The following PRKCE variants were observed in gnomAD, a reference collection of about 807,000 sequenced individuals.
The protein encoded by PRKCE is protein kinase C epsilon.
PRKCE carries 16 observed loss-of-function variants against 85.4 expected under a neutral mutation model. That is an observed-to-expected ratio of 0.19 (90% confidence interval 0.13 to 0.28). PRKCE has a LOEUF of 0.28. PRKCE is among the 10% of genes least tolerant of loss of function. The pLI, the probability that PRKCE is intolerant of heterozygous loss-of-function variation, is 1.00. For missense variants in PRKCE, 573 were observed against 975.2 expected, an observed-to-expected ratio of 0.59 and a Z score of 5.49; for synonymous variants, 388 against 371.5, an observed-to-expected ratio of 1.04 and a Z score of -0.51.
intron 2 of PRKCE, among the ~76,000 whole-genome samples, chr2:45,891,717 G>A (rs1047356635): frequency 3.9e-5 from 6 of 152,162 alleles, no homozygotes; most frequent in Non-Finnish European, 8.8e-5. Context: ...CCAAATGTCC[G>A]CTAGGCATAT....
intron 10 of PRKCE, among the ~76,000 whole-genome samples, chr2:46,054,233 A>G (rs1214426975): frequency 6.6e-6 from 1 of 152,208 alleles, no homozygotes; most frequent in Non-Finnish European, 1.5e-5. Context: ...ATGGAGGCAA[A>G]AAGTTATTTT....
chr2:45,948,636 C>G (rs1166176996), intron 2 of PRKCE, among the ~76,000 whole-genome samples: 2 of 152,136 alleles, frequency 1.3e-5, no homozygotes, highest in Non-Finnish European at 2.9e-5. Flanking sequence ...GAGACCTTGT[C>G]TCTTAAAAAA....
chr2:45,815,720 G>T (rs1020522746), intron 1 of PRKCE, among the ~76,000 whole-genome samples: 1 of 152,212 alleles, frequency 6.6e-6, no homozygotes, highest in Non-Finnish European at 1.5e-5. Context: ...TATCTTATTT[G>T]TAAGGAATAA....
intron 2 of PRKCE, among the ~76,000 whole-genome samples, chr2:45,956,354 G>C (rs1700975124): frequency 1.3e-5 from 2 of 152,084 alleles, no homozygotes; most frequent in African/African-American, 4.8e-5. Context: ...AAGATTGCTT[G>C]ATTATGTATG....
In PRKCE at chr2:45,976,494, G is replaced by C. The variant is rs1414785255; in HGVS notation, c.478G>C (p.Val160Leu). ...RMRPRKRQGA[V>L]RRRVHQVNGH... ...GCGGCCGAGGAAGCGGCAGGGGGCC[G>C]TCAGGCGCAGGGTCCATCAGGTCAA... is the stretch of plus-strand genomic sequence containing the variant. Residue 160 changes from valine to leucine, a missense_variant, in exon 3 of 15, where the codon GTC (valine) becomes CTC (leucine). This residue lies in a region of PRKCE where 29 missense variants were observed against 96.2 expected (regional missense o/e 0.30). Coordinates refer to ENST00000306156, the MANE Select transcript of PRKCE (RefSeq NM_005400.3). The C allele has an allele frequency of 6.3e-7, 1 of 1,599,754 alleles. No homozygotes were observed. The highest frequency in any genetic ancestry group is 8.5e-7 in the Non-Finnish European group (1 of 1,179,956).
chr2:45,910,347 C>G (rs1697294633), intron 2 of PRKCE, among the ~76,000 whole-genome samples: 1 of 152,152 alleles, frequency 6.6e-6, no homozygotes, highest in African/African-American at 2.4e-5. Flanking sequence ...GGTGAGGAAT[C>G]TAAAGGGTGC....
chr2:45,842,976 T>G, intron 1 of PRKCE, 24 bp from the exon 2 acceptor site: 1 of 1,610,738 alleles, frequency 6.2e-7, no homozygotes, highest in East Asian at 2.2e-5. Flanking sequence ...ACTAACAGAG[T>G]CACTGTCATT....
At chr2:46,115,538 A>G (rs1672685440) in intron 11 of PRKCE, among the ~76,000 whole-genome samples, 1 of 152,196 alleles carries the variant, frequency 6.6e-6, no homozygotes, top group Non-Finnish European at 1.5e-5. Flanking sequence ...AGCATTCTCC[A>G]GTGGGGAAGC....
At chr2:45,982,777 G>A (rs568720954) in intron 5 of PRKCE, among the ~76,000 whole-genome samples, 29 of 152,264 alleles carry the variant, frequency 1.9e-4, no homozygotes, top group African/African-American at 7.0e-4. Context: ...TGATACCTTA[G>A]AGTTTTTAGT....
At chr2:46,100,174 G>T (rs1368362604) in intron 11 of PRKCE, among the ~76,000 whole-genome samples, 2 of 152,130 alleles carry the variant, frequency 1.3e-5, no homozygotes, top group African/African-American at 2.4e-5. Context: ...CCTCAGTGAG[G>T]CTCCAGAAGG....
intron 11 of PRKCE, among the ~76,000 whole-genome samples, chr2:46,127,161 C>T (rs1673943787): frequency 6.6e-6 from 1 of 152,138 alleles, no homozygotes. Context: ...GTTTAGCTTC[C>T]AGGTTTGTTC....
At chr2:46,117,122 G>A (rs1277485564) in intron 11 of PRKCE, among the ~76,000 whole-genome samples, 1 of 152,214 alleles carries the variant, frequency 6.6e-6, no homozygotes, top group African/African-American at 2.4e-5. Flanking sequence ...CTTCCCAAAA[G>A]CAAGTGAGGG....
intron 14 of PRKCE, among the ~76,000 whole-genome samples, chr2:46,180,913 G>C (rs1213168338): frequency 6.6e-6 from 1 of 152,310 alleles, no homozygotes; most frequent in East Asian, 1.9e-4. Context: ...GTGGGCCAAA[G>C]GTTGTAGAAA....
chr2:46,148,624 G>A (rs1470123312), intron 12 of PRKCE, among the ~76,000 whole-genome samples: 1 of 152,242 alleles, frequency 6.6e-6, no homozygotes, highest in African/African-American at 2.4e-5. Context: ...ATGCTAGCCA[G>A]TCACAAGATG....
At chr2:46,044,655 G>A (rs1708410935) in intron 10 of PRKCE, among the ~76,000 whole-genome samples, 1 of 152,166 alleles carries the variant, frequency 6.6e-6, no homozygotes, top group Non-Finnish European at 1.5e-5. Context: ...AACCTGGAAT[G>A]CTCAATAGCT....
intron 2 of PRKCE, among the ~76,000 whole-genome samples, chr2:45,926,229 T>G (rs1015318098): frequency 6.6e-6 from 1 of 152,226 alleles, no homozygotes; most frequent in Non-Finnish European, 1.5e-5. Context: ...GGAACTTGGC[T>G]GGCTAATTTT....
intron 1 of PRKCE, among the ~76,000 whole-genome samples, chr2:45,719,733 A>T (rs186230752): frequency 2.6e-5 from 4 of 152,236 alleles, no homozygotes; most frequent in African/African-American, 9.6e-5. Context: ...GATCAAACAA[A>T]ATCATAACCC....
intron 1 of PRKCE, among the ~76,000 whole-genome samples, chr2:45,686,011 A>C (rs528754100): frequency 3.9e-5 from 6 of 152,312 alleles, no homozygotes; most frequent in African/African-American, 1.4e-4. Context: ...TGCATCAATC[A>C]TATAGAATCA....
chr2:45,890,279 A>G (rs375373579), intron 2 of PRKCE, among the ~76,000 whole-genome samples: 2 of 152,104 alleles, frequency 1.3e-5, no homozygotes, highest in Non-Finnish European at 2.9e-5. Context: ...CTTCATCTGT[A>G]CTTGTACCCA....
Sources: allele counts gnomAD v4.1 joint callset (sites outside exome capture counted in the v4.1 genomes callset), GRCh38; gene constraint gnomAD v4.1.1; regional missense constraint gnomAD v4.1.1; transcripts MANE v1.5; gene names NCBI Gene and HGNC (gene_info 2026-07-23, HGNC 2026-07-21).